ZNF521: variants seen among roughly 807,000 people sequenced by gnomAD.
ZNF521 encodes the protein LYST-interacting protein 3.
In ZNF521, 14 loss-of-function variants were observed where a neutral mutation model predicts 105.5. The observed-to-expected ratio is 0.13, with a 90% CI of 0.09 to 0.21. ZNF521 has a LOEUF of 0.21. Among genes scored for constraint, ZNF521 ranks in the 10% least tolerant of loss-of-function variants. ZNF521 has a pLI of 1.00. For synonymous variants in ZNF521, 635 were observed against 606.0 expected (o/e 1.05, Z -0.70); for missense variants, 1,233 against 1,629.7 (o/e 0.76, Z 4.19).
At chr18:25,122,211 A>G (rs1387683551) in intron 5 of ZNF521, among the ~76,000 whole-genome samples, 4 of 152,180 alleles carry the variant, frequency 2.6e-5, no homozygotes, top group African/African-American at 9.6e-5. Flanking sequence ...TTAGCAAATT[A>G]AAGACAGAGC....
At chr18:25,291,314 A>C (rs959487300) in intron 3 of ZNF521, among the ~76,000 whole-genome samples, 1 of 152,210 alleles carries the variant, frequency 6.6e-6, no homozygotes, top group African/African-American at 2.4e-5. Context: ...AAAAGATACC[A>C]ATTAAATGCA....
At position 25,089,555 on chromosome 18, in the gene ZNF521, C is replaced by T; in HGVS notation, c.3816G>A (p.Gln1272=). The part of the protein sequence containing the change: ...FTVFVQANKL[Q]QHIFSAHGQE... ...GTCCATGGGCAGAGAAAATATGCTG[C>T]TGCAACTTGTTTGCTTGAACAAATA... Residue 1272 remains glutamine, a synonymous_variant, in exon 7 of 8, where the codon CAG becomes CAA. Transcript: ENST00000361524. 6.2e-7 allele frequency: 1 copy of T among 1,614,058 alleles called. No individual in the cohort carries two copies. The highest frequency in any genetic ancestry group is 8.5e-7 in the Non-Finnish European group (1 of 1,179,928).
chr18:25,161,152 T>C (rs1215547171), intron 5 of ZNF521, among the ~76,000 whole-genome samples: 1 of 152,140 alleles, frequency 6.6e-6, no homozygotes, highest in African/African-American at 2.4e-5. Context: ...AGAGGCCTCC[T>C]AGTACGTCAC....
chr18:25,288,261 T>C (rs890750005), intron 3 of ZNF521, among the ~76,000 whole-genome samples: 1 of 152,208 alleles, frequency 6.6e-6, no homozygotes, highest in Admixed American at 6.5e-5. Flanking sequence ...GCAAATGTGA[T>C]GCCCTCCGAT....
At chr18:25,232,346 G>A (rs1906589071) in intron 3 of ZNF521, among the ~76,000 whole-genome samples, 1 of 152,202 alleles carries the variant, frequency 6.6e-6, no homozygotes, top group South Asian at 2.1e-4. Flanking sequence ...ACCTTATCAT[G>A]GCTGGAAGAA....
intron 5 of ZNF521, among the ~76,000 whole-genome samples, chr18:25,161,764 G>GAGT (rs1471677269): frequency 6.6e-6 from 1 of 152,216 alleles, no homozygotes; most frequent in African/African-American, 2.4e-5. Flanking sequence ...AATGTACAGA[G>GAGT]AGTAGGTTAA....
chr18:25,148,717 T>C (rs62083878), intron 5 of ZNF521, among the ~76,000 whole-genome samples: 40,128 of 151,996 alleles, frequency 0.26, 6,447 homozygotes, highest in Non-Finnish European at 0.35. Flanking sequence ...CAGTGAAGGA[T>C]TGGTTTTCAG....
chr18:25,150,965 T>C (rs2035037490), intron 5 of ZNF521, among the ~76,000 whole-genome samples: 1 of 149,772 alleles, frequency 6.7e-6, no homozygotes, highest in Non-Finnish European at 1.5e-5. Context: ...CACGGCTCAC[T>C]GTAGCCTTGA....
At chr18:25,110,783 G>A (rs1402348923) in intron 5 of ZNF521, among the ~76,000 whole-genome samples, 1 of 150,264 alleles carries the variant, frequency 6.7e-6, no homozygotes, top group East Asian at 2.0e-4. Flanking sequence ...TTTTTTGAGA[G>A]AGAGTCTTGC....
At chr18:25,351,793 G>A in intron 1 of ZNF521, 1 of 164,124 alleles carries the variant, frequency 6.1e-6, no homozygotes, top group Non-Finnish European at 1.3e-5. Context: ...CGGGGCCCGG[G>A]CTCGGGGCGC....
At chr18:25,290,847 C>A (rs1487096618) in intron 3 of ZNF521, among the ~76,000 whole-genome samples, 2 of 151,938 alleles carry the variant, frequency 1.3e-5, no homozygotes, top group East Asian at 3.9e-4. Context: ...AGCCACTGCA[C>A]CCAGCTGATA....
At chr18:25,333,998 C>T (rs538495670) in intron 2 of ZNF521, among the ~76,000 whole-genome samples, 39 of 152,298 alleles carry the variant, frequency 2.6e-4, no homozygotes, top group Admixed American at 2.5e-3. Context: ...GAAGAAAGAC[C>T]TTTGAAAGTC....
At chr18:25,349,510 C>A (rs1371778903) in intron 2 of ZNF521, among the ~76,000 whole-genome samples, 2 of 152,218 alleles carry the variant, frequency 1.3e-5, no homozygotes, top group Non-Finnish European at 2.9e-5. Context: ...GGCCCTCCCC[C>A]ACCCCGTCCC....
At chr18:25,141,427 A>G (rs541765791) in intron 5 of ZNF521, among the ~76,000 whole-genome samples, 223 of 152,300 alleles carry the variant, frequency 1.5e-3, no homozygotes, top group Non-Finnish European at 2.2e-3. Context: ...TAGTCTTTGG[A>G]AGTTAGGGCA....
At chr18:25,244,775 C>T (rs565819142) in intron 3 of ZNF521, among the ~76,000 whole-genome samples, 60 of 152,340 alleles carry the variant, frequency 3.9e-4, no homozygotes, top group Middle Eastern at 3.4e-3. Flanking sequence ...TTCTGCTGGT[C>T]GTGACTGCAA....
intron 3 of ZNF521, among the ~76,000 whole-genome samples, chr18:25,258,620 T>C (rs1228880728): frequency 1.3e-5 from 2 of 152,148 alleles, no homozygotes. Flanking sequence ...AAATAGACCA[T>C]AAGGACAGAA....
Position 25,225,191 on chromosome 18 carries a change from G to A in ZNF521, c.2727C>T (p.His909=). The A allele has an allele frequency of 6.2e-7, 1 of 1,614,114 alleles. No homozygotes were observed. Among genetic ancestry groups the A allele is most frequent in the Non-Finnish European group, 8.5e-7 (1 of 1,180,022 alleles). The part of the protein sequence containing the change: ...TLLQNHQLRD[H]NIRPGESAIV... ...TGGCACTTTCTCCAGGTCTGATGTT[G>A]TGGTCTCGGAGCTGGTGATTCTGCA... The change falls in exon 4 of 8, where the codon CAC becomes CAT. Residue 909 remains histidine (H), a synonymous_variant. Coordinates refer to ENST00000361524, the MANE Select transcript of ZNF521 (RefSeq NM_015461.3). This position sits in a 1 kb window ranked among gnomAD's most constrained non-coding sequence, Gnocchi z 5.6.
At chr18:25,273,671 T>C (rs1909833996) in intron 3 of ZNF521, 1 of 152,194 alleles carries the variant, frequency 6.6e-6, no homozygotes, top group African/African-American at 2.4e-5. Context: ...GTGTAAGGCA[T>C]AGAGAGTACT....
intron 5 of ZNF521, among the ~76,000 whole-genome samples, chr18:25,120,440 TGGGTGTG>T (rs1176128145): frequency 6.6e-6 from 1 of 151,908 alleles, no homozygotes; most frequent in Non-Finnish European, 1.5e-5. Context: ...AAAAATTAGC[TGGGTGTG>T]GTGGCATGCG....
Sources: gnomAD v4.1 joint callset for allele counts (sites outside exome capture counted in the v4.1 genomes callset) on GRCh38, gnomAD v4.1.1 for gene constraint, Gnocchi (gnomAD v3.1) non-coding constraint, MANE v1.5 for transcripts, NCBI Gene and HGNC (gene_info 2026-07-23, HGNC 2026-07-21) for gene names.